RBM15: variants seen among roughly 807,000 people sequenced by gnomAD.
The protein encoded by RBM15 is RNA binding motif protein 15.
RBM15 carries 8 observed loss-of-function variants against 62.6 expected under a neutral mutation model. That is an observed-to-expected ratio of 0.13 (90% CI 0.07 to 0.23). The LOEUF (loss-of-function observed/expected upper bound fraction) is 0.23, where lower values mean the gene tolerates loss of function less well. RBM15 is among the 10% of genes least tolerant of loss of function. The probability of loss-of-function intolerance (pLI) is 1.00; values close to 1 mark genes in which losing one functional copy is unlikely to be tolerated. For synonymous variants in RBM15, 606 were observed against 505.7 expected (o/e 1.20, Z -2.66); for missense variants, 1,144 against 1,286.5 (o/e 0.89, Z 1.69).
At chr1:110,345,743 GT>G (rs1291411384) in intron 2 of RBM15, 94 bp downstream of exon 2, 2 of 739,058 alleles carry the variant, frequency 2.7e-6, no homozygotes, top group Non-Finnish European at 4.4e-6. Context: ...TTCTTTGGCT[GT>G]TTAACAATTA....
rs779780215 is a variant in RBM15, at chr1:110,339,618, C to G, written c.213C>G (p.Ser71Arg). 5.7e-5 allele frequency: 92 copies of G among 1,612,392 alleles called. No individual in the cohort carries two copies. Among genetic ancestry groups the G allele is most frequent in the Non-Finnish European group, 7.6e-5 (90 of 1,179,254 alleles). ...ACTCGACTTCCCGCGGTGAGCGGAG[C>G]AAGAAGTTAGGGGGCTCTGGTGGCA... ...GEDSTSRGER[S>R]KKLGGSGGSN... is the part of the protein sequence containing the mutation. The change falls in exon 1 of 3, where the codon AGC becomes AGG. Residue 71 changes from serine (S) to arginine (R), a missense_variant. Around this residue, in one of 8 missense-constraint regions of RBM15, gnomAD observed 298 missense variants for 250.0 expected, o/e 1.19. Transcript: ENST00000369784.
rs1170637322 is a variant in RBM15 at position 110,341,303 on chromosome 1, C to T, written c.1898C>T (p.Pro633Leu). Residue 633 changes from proline to leucine, a missense_variant, in exon 1 of 3, where the codon CCC (proline) becomes CTC (leucine). Pro to Leu is a moderately conservative substitution (Grantham distance 98). Transcript: ENST00000369784. The surrounding 1 kb of genome is among the most constrained non-coding windows in gnomAD (Gnocchi z 4.5). The part of the protein sequence containing the change: ...LDRDRGDRDL[P>L]SSRDQPRKRR... Reference sequence around the variant, plus strand: ...CGGGACAGAGGTGATCGAGATCTGCCCAGCAGCAGAGACCAGCCTAGGAAG... The same window carrying T: ...CGGGACAGAGGTGATCGAGATCTGCTCAGCAGCAGAGACCAGCCTAGGAAG... 3 of 1,613,926 alleles carry T rather than the reference C, an allele frequency of 1.9e-6. No homozygotes were observed. The highest frequency in any genetic ancestry group is 2.2e-5 in the East Asian group (1 of 44,866).
rs1660901349 is a variant in RBM15, at chr1:110,346,491, A to G, written c.*224A>G. On this transcript the variant is annotated 3_prime_UTR_variant, in exon 3 of 3. Coordinates refer to ENST00000369784, the MANE Select transcript of RBM15 (RefSeq NM_022768.5). ...TTGTGTATCTGCTATTGTGATGCCA[A>G]TGCCGGTGTTTTAAGTGGAAAAAAA... 4 of 795,436 alleles carry G rather than the reference A, an allele frequency of 5.0e-6. No homozygotes were observed. The South Asian group carries it at 6.3e-5, about 12-fold the overall frequency. The allele number at this position is 795,436 out of a possible 1,614,324, so 49.3% of individuals were successfully genotyped here.
rs867127927 is a variant in RBM15 at position 110,342,134 on chromosome 1, G to A, written c.2729G>A (p.Gly910Asp). Residue 910 changes from glycine to aspartate, a missense_variant, in exon 1 of 3, where the codon GGC (glycine) becomes GAC (aspartate). By Grantham distance (94) the Gly-to-Asp change is moderately conservative. Transcript: ENST00000369784. ...AAGVISLPVG[G>D]NKDKENTGVL... ...GGGGTGATCAGCCTCCCTGTGGGGG[G>A]CAACAAAGACAAGGAAAACACCGGG... 6.2e-7 allele frequency: 1 copy of A among 1,614,110 alleles called. No homozygotes were observed. Among genetic ancestry groups the A allele is most frequent in the Non-Finnish European group, 8.5e-7 (1 of 1,179,980 alleles).
Position 110,341,324 on chromosome 1 carries a change from G to T in RBM15, c.1919G>T (p.Arg640Met). Residue 640 changes from arginine (R) to methionine (M), a missense_variant, in exon 1 of 3, where the codon AGG (arginine) becomes ATG (methionine). By Grantham distance (91) the Arg-to-Met change is moderately conservative (BLOSUM62 -1). This residue lies in a region of RBM15 where 360 missense variants were observed against 342.9 expected (regional missense o/e 1.05). Coordinates refer to ENST00000369784, the MANE Select transcript of RBM15 (RefSeq NM_022768.5). This position sits in a 1 kb window ranked among gnomAD's most constrained non-coding sequence, Gnocchi z 4.5. ...CTGCCCAGCAGCAGAGACCAGCCTA[G>T]GAAGCGAAGGCTGCCTGAGGAGAGT... ...RDLPSSRDQP[R>M]KRRLPEESGG... The T allele has an allele frequency of 6.2e-7, 1 of 1,614,104 alleles. No homozygotes were observed. Among genetic ancestry groups the T allele is most frequent in the Non-Finnish European group, 8.5e-7 (1 of 1,180,010 alleles).
In RBM15 at chr1:110,340,246, C is replaced by T. The variant is rs1660766292; in HGVS notation, c.841C>T (p.Arg281Trp). Residue 281 changes from arginine (R) to tryptophan (W), a missense_variant, in exon 1 of 3, where the codon CGG becomes TGG. By Grantham distance (101) the Arg-to-Trp change is moderately radical. This residue lies in a region of RBM15 where 188 missense variants were observed against 185.6 expected (regional missense o/e 1.01). Transcript: ENST00000369784. This position sits in a 1 kb window ranked among gnomAD's most constrained non-coding sequence, Gnocchi z 5.8. ...GGTCGGGGCCTCTGTAGGTGGTCAC[C>T]GGCACCCCCCTGGAGGTGGTGGAGG... ...SVVGASVGGHRHPPGGGGGQR... is the reference protein window; with the variant it reads ...SVVGASVGGHWHPPGGGGGQR... 1.2e-6 allele frequency: 2 copies of T among 1,614,078 alleles called. No homozygotes were observed. The highest frequency in any genetic ancestry group is 1.3e-5 in the African/African-American group (1 of 74,932).
intron 2 of RBM15, among the ~76,000 whole-genome samples, chr1:110,346,080 T>TA (rs1376299197): frequency 3.9e-5 from 6 of 152,252 alleles, no homozygotes; most frequent in African/African-American, 1.4e-4. Context: ...TTGCAGTCTT[T>TA]AAAAAAACCC....
intron 1 of RBM15, among the ~76,000 whole-genome samples, chr1:110,343,867 A>G (rs975090166): frequency 6.6e-6 from 1 of 152,218 alleles, no homozygotes; most frequent in Non-Finnish European, 1.5e-5. Flanking sequence ...GGGAAATGTC[A>G]TGTAATTTTT....
Position 110,345,647 on chromosome 1 carries a change from C to T in RBM15, c.*38C>T. ...TGTCCCTAAAGGGAGGAAATGATTT[C>T]AGGTAACCACAGTGAAATGTTAAGC... On this transcript the variant is annotated splice_region_variant and 3_prime_UTR_variant, in exon 2 of 3. Coordinates refer to ENST00000369784, the MANE Select transcript of RBM15 (RefSeq NM_022768.5). 3 of 1,528,868 alleles carry T rather than the reference C, an allele frequency of 2.0e-6. No individual in the cohort carries two copies. Among genetic ancestry groups the T allele is most frequent in the South Asian group, 1.2e-5 (1 of 80,782 alleles). The allele number at this position is 1,528,868 out of a possible 1,614,324, so 94.7% of individuals were successfully genotyped here.
Position 110,339,693 on chromosome 1 carries a change from G to T in RBM15, c.288G>T (p.Arg96=). 6.2e-7 allele frequency: 1 copy of T among 1,612,978 alleles called. No homozygotes were observed. The highest frequency in any genetic ancestry group is 1.1e-5 in the South Asian group (1 of 91,086). The change falls in exon 1 of 3, where the codon CGG becomes CGT. Residue 96 remains arginine, a synonymous_variant. Transcript: ENST00000369784. ...GKTDSGGGSR[R]SLHLDKSSSR... ...CCGATAGCGGCGGTGGGTCGCGGCG[G>T]AGTCTCCACCTGGACAAGTCCAGCA...
rs144393499 is a variant in RBM15 at position 110,341,560 on chromosome 1, C to G, written c.2155C>G (p.Arg719Gly). The stretch of plus-strand genomic sequence containing the variant: ...GAAGAGCCAGGGTGACAAGCGAGAC[C>G]GTAAAAACTCTGCATCAGCTGAACG... Reference protein sequence around the residue: ...LEKSQGDKRDRKNSASAERDR... With the variant: ...LEKSQGDKRDGKNSASAERDR... The change falls in exon 1 of 3, where the codon CGT (arginine) becomes GGT (glycine). Residue 719 changes from arginine (R) to glycine (G), a missense_variant. This residue lies in a region of RBM15 where 360 missense variants were observed against 342.9 expected (regional missense o/e 1.05). Transcript: ENST00000369784. This position sits in a 1 kb window ranked among gnomAD's most constrained non-coding sequence, Gnocchi z 4.5. 3 of 1,613,910 alleles carry G rather than the reference C, an allele frequency of 1.9e-6. No homozygotes were observed. The African/African-American group carries it at 4.0e-5, about 22-fold the overall frequency.
chr1:110,345,514 A>ATT, intron 1 of RBM15, 25 bp from the exon 2 acceptor site: 2 of 1,493,042 alleles, frequency 1.3e-6, no homozygotes, highest in African/African-American at 1.4e-5. Context: ...ATTTCTGGAC[A>ATT]TTTTTTTTTC....
chr1:110,340,306 G>A lies in RBM15; in HGVS notation c.901G>A (p.Gly301Arg). The A allele has an allele frequency of 6.2e-7, 1 of 1,614,218 alleles. No individual in the cohort carries two copies. The highest frequency in any genetic ancestry group is 1.1e-5 in the South Asian group (1 of 91,082). The change falls in exon 1 of 3, where the codon GGA becomes AGA. Residue 301 changes from glycine to arginine, a missense_variant. By Grantham distance (125) the Gly-to-Arg change is moderately radical. This residue lies in a region of RBM15 where 188 missense variants were observed against 185.6 expected (regional missense o/e 1.01). Transcript: ENST00000369784. The surrounding 1 kb of genome is among the most constrained non-coding windows in gnomAD (Gnocchi z 5.8). Reference sequence around the variant, plus strand: ...ACTTTCCCCTGGTGGCGCTGCTTTGGGATACAGAGACTACCGGCTGCAGCA... The same window carrying A: ...ACTTTCCCCTGGTGGCGCTGCTTTGAGATACAGAGACTACCGGCTGCAGCA... ...RSLSPGGAAL[G>R]YRDYRLQQLA... is the part of the protein sequence containing the mutation.
chr1:110,340,496 T>C lies in RBM15; in HGVS notation c.1091T>C (p.Ile364Thr). 6.2e-7 allele frequency: 1 copy of C among 1,613,452 alleles called. No homozygotes were observed. The highest frequency in any genetic ancestry group is 8.5e-7 in the Non-Finnish European group (1 of 1,179,856). Reference sequence around the variant, plus strand: ...GCTCCTTTCAGAGAAGTGGATGAGATTTCACCCGAGGATGATCAGCGAGCT... The same window carrying C: ...GCTCCTTTCAGAGAAGTGGATGAGACTTCACCCGAGGATGATCAGCGAGCT... ...GAAPFREVDE[I>T]SPEDDQRANR... is the part of the protein sequence containing the mutation. Residue 364 changes from isoleucine (I) to threonine (T), a missense_variant, in exon 1 of 3, where the codon ATT becomes ACT. Transcript: ENST00000369784. The surrounding 1 kb of genome is among the most constrained non-coding windows in gnomAD (Gnocchi z 5.8).
chr1:110,342,928 T>C (rs1660831930), intron 1 of RBM15, among the ~76,000 whole-genome samples: 1 of 152,258 alleles, frequency 6.6e-6, no homozygotes, highest in Non-Finnish European at 1.5e-5. Context: ...TTTGTAGCAG[T>C]AACTGTTCAG....
In RBM15 at chr1:110,341,458, A is replaced by G. The variant is rs1337391135; in HGVS notation, c.2053A>G (p.Asn685Asp). 6.2e-7 allele frequency: 1 copy of G among 1,614,124 alleles called. No individual in the cohort carries two copies. The highest frequency in any genetic ancestry group is 8.5e-7 in the Non-Finnish European group (1 of 1,180,014). Residue 685 changes from asparagine (N) to aspartate (D), a missense_variant, in exon 1 of 3, where the codon AAC becomes GAC. Transcript: ENST00000369784. The surrounding 1 kb of genome is among the most constrained non-coding windows in gnomAD (Gnocchi z 4.5). ...PELSSSRDRY[N>D]SDNDRSSRLL... ...ATTGAGCAGTAGCCGGGATCGTTACAACAGCGACAATGATCGATCTTCCCG... is the reference window on the plus strand; with the variant it reads ...ATTGAGCAGTAGCCGGGATCGTTACGACAGCGACAATGATCGATCTTCCCG...
intron 1 of RBM15, chr1:110,342,570 G>GTT: frequency 2.5e-5 from 8 of 315,720 alleles, no homozygotes; most frequent in East Asian, 4.8e-5. Flanking sequence ...CTATTCAGTT[G>GTT]TTTTTTTTTT....
chr1:110,340,198 A>G lies in RBM15; in HGVS notation c.793A>G (p.Thr265Ala). 1.2e-6 allele frequency: 2 copies of G among 1,614,136 alleles called. No homozygotes were observed. The highest frequency in any genetic ancestry group is 1.7e-6 in the Non-Finnish European group (2 of 1,179,986). Residue 265 changes from threonine (T) to alanine (A), a missense_variant, in exon 1 of 3, where the codon ACT becomes GCT. By Grantham distance (58) the Thr-to-Ala change is moderately conservative (BLOSUM62 0). Around this residue, in one of 8 missense-constraint regions of RBM15, gnomAD observed 188 missense variants for 185.6 expected, o/e 1.01. Transcript: ENST00000369784. This position sits in a 1 kb window ranked among gnomAD's most constrained non-coding sequence, Gnocchi z 5.8. ...RRSRSPLDKD[T>A]YPPSASVVGA... ...CAGCCGCTCCCCTTTAGACAAAGATACTTATCCTCCATCAGCCAGTGTGGT... is the reference window on the plus strand; with the variant it reads ...CAGCCGCTCCCCTTTAGACAAAGATGCTTATCCTCCATCAGCCAGTGTGGT...
intron 2 of RBM15, 55 bp downstream of exon 2, chr1:110,345,704 C>T (rs948386164): frequency 2.7e-6 from 3 of 1,091,020 alleles, no homozygotes; most frequent in African/African-American, 1.6e-5. Context: ...ATGGTTTAAA[C>T]AGAGTTGAAA....
Sources: gnomAD v4.1 joint callset for allele counts (sites outside exome capture counted in the v4.1 genomes callset) on GRCh38, gnomAD v4.1.1 for gene constraint, gnomAD v4.1.1 regional missense constraint, Gnocchi (gnomAD v3.1) non-coding constraint, MANE v1.5 for transcripts, NCBI Gene and HGNC (gene_info 2026-07-23, HGNC 2026-07-21) for gene names.